The following SCHIP1 variants were observed in gnomAD, a reference collection of about 807,000 sequenced individuals.
The protein encoded by SCHIP1 is schwannomin interacting protein 1, also known as schwannomin-interacting protein 1.
SCHIP1 carries 8 observed loss-of-function variants against 29.7 expected under a neutral mutation model. The observed-to-expected ratio is 0.27, with a 90% CI of 0.16 to 0.49. SCHIP1 has a LOEUF of 0.49. Ranked by LOEUF, SCHIP1 falls within the 20% of genes least tolerant of loss-of-function variation. SCHIP1 has a pLI of 0.99. For synonymous variants in SCHIP1, 76 were observed against 94.9 expected (o/e 0.80, Z 1.16); for missense variants, 193 against 294.6 (o/e 0.66, Z 2.52).
the SCHIP1 span, among the ~76,000 whole-genome samples, chr3:159,371,339 A>AGTT: frequency 6.6e-6 from 1 of 152,094 alleles, no homozygotes; most frequent in African/African-American, 2.4e-5. Context: ...CAACCGGGCA[A>AGTT]GTTTAATAAG....
At chr3:159,314,388 GA>G in the SCHIP1 span, among the ~76,000 whole-genome samples, 1 of 152,152 alleles carries the variant, frequency 6.6e-6, no homozygotes, top group Admixed American at 6.5e-5. Context: ...TTTCATTCTA[GA>G]AGATCAGTCT....
chr3:159,802,392 G>A, the SCHIP1 span, among the ~76,000 whole-genome samples: 1 of 152,124 alleles, frequency 6.6e-6, no homozygotes, highest in East Asian at 1.9e-4. Context: ...ACTTTTAATT[G>A]ATAGCAGACA....
At chr3:159,669,209 G>A in the SCHIP1 span, among the ~76,000 whole-genome samples, 1 of 152,182 alleles carries the variant, frequency 6.6e-6, no homozygotes, top group Non-Finnish European at 1.5e-5. Context: ...TGTACGTAAA[G>A]CAAAGGAGAG....
At chr3:159,453,221 A>T in the SCHIP1 span, among the ~76,000 whole-genome samples, 3 of 152,206 alleles carry the variant, frequency 2.0e-5, no homozygotes, top group African/African-American at 7.2e-5. Context: ...CCTGGAGTGT[A>T]GGCGTTGCTT....
chr3:159,445,818 T>C, the SCHIP1 span, among the ~76,000 whole-genome samples: 2,889 of 131,636 alleles, frequency 0.022, 100 homozygotes, highest in African/African-American at 0.079. Context: ...TAGATGGGAA[T>C]TGAACAATGA....
At chr3:159,584,318 C>A in the SCHIP1 span, among the ~76,000 whole-genome samples, 2 of 152,176 alleles carry the variant, frequency 1.3e-5, no homozygotes, top group Non-Finnish European at 2.9e-5. Flanking sequence ...GAGTCACATG[C>A]TATTTTAAAA....
chr3:159,454,440 A>T, the SCHIP1 span, among the ~76,000 whole-genome samples: 1 of 152,120 alleles, frequency 6.6e-6, no homozygotes, highest in Admixed American at 6.5e-5. Flanking sequence ...GAAACTGATT[A>T]AAAATAGCAG....
chr3:159,733,195 C>T, the SCHIP1 span, among the ~76,000 whole-genome samples: 2 of 152,184 alleles, frequency 1.3e-5, no homozygotes, highest in Admixed American at 6.5e-5. Flanking sequence ...CTAATTACTG[C>T]TCCGTCATTT....
At chr3:159,718,651 A>G in the SCHIP1 span, among the ~76,000 whole-genome samples, 3,703 of 152,282 alleles carry the variant, frequency 0.024, 76 homozygotes, top group African/African-American at 0.052. Context: ...AAGTGAATAA[A>G]ATACCTAGGA....
chr3:159,626,955 G>C, the SCHIP1 span, among the ~76,000 whole-genome samples: 1 of 152,144 alleles, frequency 6.6e-6, no homozygotes, highest in African/African-American at 2.4e-5. Context: ...ATGGTGGTTT[G>C]CTGCAGCTAT....
At chr3:159,330,723 A>C in the SCHIP1 span, among the ~76,000 whole-genome samples, 1 of 152,244 alleles carries the variant, frequency 6.6e-6, no homozygotes, top group South Asian at 2.1e-4. Context: ...TAAATTGATT[A>C]CATAACTATA....
the SCHIP1 span, among the ~76,000 whole-genome samples, chr3:159,676,210 T>C: frequency 3.3e-5 from 5 of 152,232 alleles, no homozygotes; most frequent in African/African-American, 9.6e-5. Context: ...GTTTATACTT[T>C]ACAGTTCTTT....
the SCHIP1 span, among the ~76,000 whole-genome samples, chr3:159,799,118 T>C: frequency 6.6e-6 from 1 of 152,184 alleles, no homozygotes; most frequent in African/African-American, 2.4e-5. Context: ...TTCAAGAGGC[T>C]TTATTCATAT....
the SCHIP1 span, among the ~76,000 whole-genome samples, chr3:159,778,561 TC>T: frequency 1.3e-5 from 2 of 152,226 alleles, no homozygotes; most frequent in Admixed American, 6.5e-5. Context: ...CTAAAACTAT[TC>T]GACAACTGTA....
the SCHIP1 span, among the ~76,000 whole-genome samples, chr3:159,830,033 T>C: frequency 2.0e-5 from 3 of 152,206 alleles, no homozygotes; most frequent in Non-Finnish European, 4.4e-5. Context: ...CTGGACATGT[T>C]TAATGAAGAA....
chr3:159,673,110 C>G, the SCHIP1 span, among the ~76,000 whole-genome samples: 1 of 152,198 alleles, frequency 6.6e-6, no homozygotes, highest in Non-Finnish European at 1.5e-5. Flanking sequence ...ATGTTTCCCG[C>G]CTCCTCCAAT....
the SCHIP1 span, among the ~76,000 whole-genome samples, chr3:159,432,355 AGAGAGAGG>A: frequency 4.5e-5 from 6 of 132,236 alleles, no homozygotes; most frequent in East Asian, 1.2e-3. Flanking sequence ...AGAGAGAGAG[AGAGAGAGG>A]GAGAGAGAGA....
the SCHIP1 span, among the ~76,000 whole-genome samples, chr3:159,295,269 A>AC: frequency 6.9e-6 from 1 of 145,042 alleles, no homozygotes; most frequent in Non-Finnish European, 1.5e-5. Flanking sequence ...AAAAAAAAAA[A>AC]AAAAAAACAA....
the SCHIP1 span, among the ~76,000 whole-genome samples, chr3:159,336,095 T>C: frequency 1.3e-5 from 2 of 152,248 alleles, no homozygotes; most frequent in Admixed American, 6.5e-5. Flanking sequence ...TGATGGCCAG[T>C]GATGATGAGC....
Sources: gnomAD v4.1 joint callset for allele counts (sites outside exome capture counted in the v4.1 genomes callset) on GRCh38, gnomAD v4.1.1 for gene constraint, MANE v1.5 for transcripts, NCBI Gene and HGNC (gene_info 2026-07-23, HGNC 2026-07-21) for gene names.